Variants in SUGCT observed in about 807,000 individuals in gnomAD.
SUGCT encodes the protein succinyl-CoA:glutarate-CoA transferase, also known as succinyl-CoA:glutarate CoA-transferase.
Under a neutral mutation model 55.0 loss-of-function variants are expected in SUGCT, and 41 were observed. That is an observed-to-expected ratio of 0.74 (90% CI 0.58 to 0.97). SUGCT has a LOEUF of 0.97. SUGCT is among the 50% of genes least tolerant of loss of function. The probability of loss-of-function intolerance (pLI) is 0.00; values close to 1 mark genes in which losing one functional copy is unlikely to be tolerated. For missense variants in SUGCT, 568 were observed against 547.8 expected (o/e 1.04, Z -0.37); for synonymous variants, 187 against 200.4 (o/e 0.93, Z 0.56).
chr7:40,600,051 C>T (rs867664235), intron 12 of SUGCT, among the ~76,000 whole-genome samples: 1 of 152,136 alleles, frequency 6.6e-6, no homozygotes, highest in Non-Finnish European at 1.5e-5. Flanking sequence ...TTCTTGTGCC[C>T]GTCAGCAGTT....
chr7:40,338,164 C>T (rs1283549751), intron 9 of SUGCT, among the ~76,000 whole-genome samples: 1 of 152,182 alleles, frequency 6.6e-6, no homozygotes, highest in African/African-American at 2.4e-5. Flanking sequence ...CAACCTTTCT[C>T]TCTGGCTGCC....
intron 12 of SUGCT, among the ~76,000 whole-genome samples, chr7:40,707,566 C>T (rs1785489866): frequency 6.6e-6 from 1 of 152,096 alleles, no homozygotes; most frequent in Non-Finnish European, 1.5e-5. Context: ...GAGATAGTAC[C>T]TTTGGTCCTA....
At chr7:40,303,406 G>A (rs1209848940) in intron 8 of SUGCT, among the ~76,000 whole-genome samples, 1 of 152,098 alleles carries the variant, frequency 6.6e-6, no homozygotes, top group Non-Finnish European at 1.5e-5. Context: ...AACTCTCTTT[G>A]TAACTTCTTG....
the SUGCT span, among the ~76,000 whole-genome samples, chr7:41,019,194 C>T: frequency 1.3e-5 from 2 of 152,188 alleles, no homozygotes; most frequent in African/African-American, 4.8e-5. Context: ...CCAACATACC[C>T]AGCCACTAAT....
chr7:40,444,024 GAT>G (rs1788669311), intron 9 of SUGCT, among the ~76,000 whole-genome samples: 1 of 152,150 alleles, frequency 6.6e-6, no homozygotes, highest in Non-Finnish European at 1.5e-5. Context: ...TCAAAGATCA[GAT>G]GGTTGTAGAT....
chr7:40,694,424 T>C (rs1305384554), intron 12 of SUGCT, among the ~76,000 whole-genome samples: 1 of 152,248 alleles, frequency 6.6e-6, no homozygotes, highest in Admixed American at 6.5e-5. Context: ...GGCCCTTAGC[T>C]TCTTTGCATC....
the SUGCT span, among the ~76,000 whole-genome samples, chr7:40,938,383 A>T: frequency 2.0e-5 from 3 of 150,612 alleles, no homozygotes; most frequent in African/African-American, 7.3e-5. Flanking sequence ...TTGTTTTATT[A>T]TTTTTTTGAG....
rs139676306 is a variant in SUGCT, at chr7:40,338,242, C to T, written c.816+21387C>T. Among the ~76,000 whole-genome samples the T allele has an allele frequency of 4.4e-3, 665 of 152,148 alleles. 4 individuals carry two copies. The highest frequency in any genetic ancestry group is 0.015 in the African/African-American group (610 of 41,524). ...ATTATGTGTCTTGGAGTGCTTTTCT[C>T]GAGGAGTATCTTTGTGGCATTCTCT... On this transcript the variant is annotated intron_variant, in intron 9 of 13. Coordinates refer to ENST00000335693, the MANE Select transcript of SUGCT (RefSeq NM_001193313.2).
chr7:40,651,478 G>C (rs1043149153), intron 12 of SUGCT, among the ~76,000 whole-genome samples: 1 of 151,672 alleles, frequency 6.6e-6, no homozygotes, highest in Non-Finnish European at 1.5e-5. Context: ...GTAGATTCTG[G>C]ATATTAGACC....
At chr7:40,222,723 C>T (rs570614209) in intron 6 of SUGCT, among the ~76,000 whole-genome samples, 34 of 152,036 alleles carry the variant, frequency 2.2e-4, no homozygotes, top group South Asian at 4.1e-4. Flanking sequence ...TGCCTGTAGT[C>T]CCTGCTACTC....
intron 1 of SUGCT, among the ~76,000 whole-genome samples, chr7:40,170,924 C>T (rs1784639749): frequency 6.6e-6 from 1 of 152,098 alleles, no homozygotes; most frequent in South Asian, 2.1e-4. Flanking sequence ...GGTCCTTTAC[C>T]AGCATACCCG....
intron 6 of SUGCT, among the ~76,000 whole-genome samples, chr7:40,221,064 AAACAACCCG>A (rs1304094109): frequency 6.6e-6 from 1 of 152,192 alleles, no homozygotes; most frequent in Non-Finnish European, 1.5e-5. Context: ...CACTTAGCAA[AAACAACCCG>A]AAAAACAAAA....
intron 13 of SUGCT, among the ~76,000 whole-genome samples, chr7:40,795,514 C>CA (rs2128747533): frequency 6.6e-6 from 1 of 152,110 alleles, no homozygotes; most frequent in African/African-American, 2.4e-5. Context: ...AGAAGTTCTT[C>CA]AAGAAAAATA....
chr7:40,948,561 C>T, the SUGCT span, among the ~76,000 whole-genome samples: 1 of 151,646 alleles, frequency 6.6e-6, no homozygotes, highest in Non-Finnish European at 1.5e-5. Context: ...ATCCATCAAC[C>T]CGTCATCTAC....
At chr7:40,699,650 C>T (rs1381475326) in intron 12 of SUGCT, among the ~76,000 whole-genome samples, 1 of 152,178 alleles carries the variant, frequency 6.6e-6, no homozygotes, top group Non-Finnish European at 1.5e-5. Context: ...GGGCGGATCG[C>T]TTGAGGCCAG....
chr7:40,557,763 ACT>A (rs1018046365), intron 12 of SUGCT, among the ~76,000 whole-genome samples: 2 of 146,070 alleles, frequency 1.4e-5, no homozygotes, highest in African/African-American at 2.7e-5. Context: ...ACAGAGTGAG[ACT>A]CTGTCTAAAA....
At chr7:41,030,498 A>T in the SUGCT span, among the ~76,000 whole-genome samples, 1 of 152,172 alleles carries the variant, frequency 6.6e-6, no homozygotes. Context: ...TAAGCAAATA[A>T]ACATTCATTT....
chr7:40,689,667 A>G (rs1162392286), intron 12 of SUGCT, among the ~76,000 whole-genome samples: 1 of 148,984 alleles, frequency 6.7e-6, no homozygotes, highest in Non-Finnish European at 1.5e-5. Context: ...CTAAAGGCCC[A>G]TTTCTTATAA....
the SUGCT span, chr7:40,966,007 CTT>C: frequency 6.6e-6 from 1 of 152,210 alleles, no homozygotes; most frequent in South Asian, 2.1e-4. Context: ...CCTCACCACT[CTT>C]TTACACAGAA....
Sources: gnomAD v4.1 joint callset for allele counts (sites outside exome capture counted in the v4.1 genomes callset) on GRCh38, gnomAD v4.1.1 for gene constraint, MANE v1.5 for transcripts, NCBI Gene and HGNC (gene_info 2026-07-23, HGNC 2026-07-21) for gene names.